The following LIMCH1 variants were observed in gnomAD, a reference collection of about 807,000 sequenced individuals.
LIMCH1 encodes LIM and calponin homology domains-containing protein 1.
Under a neutral mutation model 176.5 loss-of-function variants are expected in LIMCH1, and 113 were observed. The ratio of observed to expected loss-of-function variants is 0.64; its 90% CI spans 0.55 to 0.75. The LOEUF (loss-of-function observed/expected upper bound fraction) is 0.75. Ranked by LOEUF, LIMCH1 falls within the 30% of genes least tolerant of loss-of-function variation. The pLI is 0.00. For missense variants in LIMCH1, 1,674 were observed against 1,814.9 expected, an observed-to-expected ratio of 0.92 and a Z score of 1.41; for synonymous variants, 619 against 645.9, an observed-to-expected ratio of 0.96 and a Z score of 0.63.
intron 7 of LIMCH1, among the ~76,000 whole-genome samples, chr4:41,624,701 C>G (rs1008320561): frequency 1.3e-5 from 2 of 152,104 alleles, no homozygotes; most frequent in African/African-American, 4.8e-5. Context: ...TTGGAACACA[C>G]TAGCTACCAA....
intron 1 of LIMCH1, among the ~76,000 whole-genome samples, chr4:41,438,994 A>G (rs1169778431): frequency 4.6e-5 from 7 of 152,316 alleles, no homozygotes; most frequent in African/African-American, 1.7e-4. Flanking sequence ...TTTAAGGGTG[A>G]GGGGAGCATC....
chr4:41,593,474 A>C (rs2088058466), intron 1 of LIMCH1, among the ~76,000 whole-genome samples: 1 of 152,220 alleles, frequency 6.6e-6, no homozygotes, highest in Admixed American at 6.5e-5. Flanking sequence ...CTCAGAGGTG[A>C]CAACCATTTT....
intron 1 of LIMCH1, among the ~76,000 whole-genome samples, chr4:41,392,757 C>G (rs558105327): frequency 7.0e-6 from 1 of 143,058 alleles, no homozygotes. Flanking sequence ...ATAGGCCAGG[C>G]GCAGTGGCTT....
intron 1 of LIMCH1, chr4:41,494,483 T>G: frequency 2.3e-6 from 3 of 1,309,664 alleles, no homozygotes; most frequent in Non-Finnish European, 3.3e-6. Context: ...ATGATTGGAC[T>G]TCTTGATTAA....
intron 1 of LIMCH1, among the ~76,000 whole-genome samples, chr4:41,364,908 G>A (rs1259113197): frequency 6.6e-6 from 1 of 150,784 alleles, no homozygotes; most frequent in Non-Finnish European, 1.5e-5. Context: ...TTTTTTTTTG[G>A]TGGTATTTAT....
intron 25 of LIMCH1, 120 bp from the exon 26 acceptor site, chr4:41,682,212 AC>A (rs1585862968): frequency 4.6e-6 from 3 of 651,826 alleles, no homozygotes; most frequent in Non-Finnish European, 7.4e-6. Flanking sequence ...AATTTGGACA[AC>A]TGTTCTTTAA....
At chr4:41,465,187 A>G (rs550292780) in intron 1 of LIMCH1, among the ~76,000 whole-genome samples, 1 of 152,112 alleles carries the variant, frequency 6.6e-6, no homozygotes, top group African/African-American at 2.4e-5. Flanking sequence ...CATTCTCAGC[A>G]GAGCCCCCAA....
At chr4:41,449,445 A>G (rs2063615057) in intron 1 of LIMCH1, among the ~76,000 whole-genome samples, 1 of 152,110 alleles carries the variant, frequency 6.6e-6, no homozygotes, top group Non-Finnish European at 1.5e-5. Context: ...TTGTAACAAT[A>G]TATTTATTTG....
At position 41,631,166 on chromosome 4, in the gene LIMCH1, C is replaced by T. The variant is rs1213724754; in HGVS notation, c.1290C>T (p.His430=). ...TGACTAGGGATGGAGATGTTCAGCA[C>T]ATCTGTGCTTCTGAGCCTTCCCCAG... ...SEKARDGDVQ[H]ICASEPSPEI... The change falls in exon 10 of 32, where the codon CAC becomes CAT. Residue 430 remains histidine (H), a synonymous_variant. Coordinates refer to ENST00000503057, the MANE Select transcript of LIMCH1 (RefSeq NM_001330672.2). 5 of 1,533,998 alleles carry T rather than the reference C, an allele frequency of 3.3e-6. No individual in the cohort carries two copies. In the South Asian group the frequency reaches 4.8e-5, roughly 15 times the overall value.
chr4:41,429,612 C>T (rs373482179), intron 1 of LIMCH1, among the ~76,000 whole-genome samples: 13 of 152,230 alleles, frequency 8.5e-5, no homozygotes, highest in South Asian at 4.2e-4. Flanking sequence ...TGGTGAGGTC[C>T]GCAGAAGTGG....
At chr4:41,660,335 A>G (rs754452028) in intron 18 of LIMCH1, among the ~76,000 whole-genome samples, 2 of 152,138 alleles carry the variant, frequency 1.3e-5, no homozygotes, top group Admixed American at 1.3e-4. Context: ...AACTGACACA[A>G]TTGAAGTACT....
At chr4:41,360,349 G>C (rs1014253872), upstream of LIMCH1, among the ~76,000 whole-genome samples, 2 of 152,052 alleles carry the variant, frequency 1.3e-5, no homozygotes, top group African/African-American at 4.8e-5. The surrounding 1 kb of genome is among the most constrained non-coding windows in gnomAD (Gnocchi z 4.5). Context: ...CGCAGCGCCC[G>C]CTCCCCCGGG....
chr4:41,501,740 A>T lies in LIMCH1; in HGVS notation c.167+7134A>T, dbSNP rs559230655. ...TTACTGAATTATAGAAAACAATAGA[A>T]GACAAATTAATTCCCTTGTCCACTG... On this transcript the variant is annotated intron_variant, in intron 2 of 26. Transcript: ENST00000313860. 5.3e-5 allele frequency among the ~76,000 whole-genome samples: 8 copies of T among 152,246 alleles called. No individual in the cohort carries two copies. In the South Asian group the frequency reaches 1.7e-3, roughly 32 times the overall value.
intron 2 of LIMCH1, among the ~76,000 whole-genome samples, 187 bp from the exon 3 acceptor site, chr4:41,603,688 A>T (rs537843629): frequency 6.6e-6 from 1 of 152,298 alleles, no homozygotes; most frequent in Non-Finnish European, 1.5e-5. Flanking sequence ...TTGTCCTTCT[A>T]CATTTTGTTT....
chr4:41,655,133 T>C (rs1249069576), intron 18 of LIMCH1, among the ~76,000 whole-genome samples: 7 of 152,216 alleles, frequency 4.6e-5, no homozygotes, highest in African/African-American at 1.7e-4. Context: ...CTGTCAGTTA[T>C]ATTTGTATCT....
intron 4 of LIMCH1, among the ~76,000 whole-genome samples, chr4:41,611,523 A>T (rs182845617): frequency 1.4e-3 from 211 of 152,348 alleles, no homozygotes; most frequent in African/African-American, 4.9e-3. Context: ...ACCAAAGATG[A>T]TCAAATATTT....
chr4:41,541,705 T>C (rs986374819), intron 1 of LIMCH1, among the ~76,000 whole-genome samples: 5 of 152,208 alleles, frequency 3.3e-5, no homozygotes, highest in Admixed American at 6.5e-5. Context: ...CTGTAAGCAG[T>C]CATTTCTTCC....
intron 1 of LIMCH1, among the ~76,000 whole-genome samples, chr4:41,403,495 C>A (rs1296845603): frequency 6.6e-6 from 1 of 152,086 alleles, no homozygotes; most frequent in Non-Finnish European, 1.5e-5. Context: ...GCAGGAGAAT[C>A]GCTTGAACCC....
chr4:41,584,837 G>A (rs1230086385), intron 1 of LIMCH1, among the ~76,000 whole-genome samples: 2 of 152,152 alleles, frequency 1.3e-5, no homozygotes, highest in Non-Finnish European at 2.9e-5. Flanking sequence ...AAATACTATA[G>A]ACTAGGTGGC....
Sources: gnomAD v4.1 joint callset for allele counts (sites outside exome capture counted in the v4.1 genomes callset) on GRCh38, gnomAD v4.1.1 for gene constraint, Gnocchi (gnomAD v3.1) non-coding constraint, MANE v1.5 for transcripts, NCBI Gene and HGNC (gene_info 2026-07-23, HGNC 2026-07-21) for gene names.